The following COL5A1 variants were observed in gnomAD, a reference collection of about 807,000 sequenced individuals.
COL5A1 encodes collagen alpha-1(V) chain.
Under a neutral mutation model 263.7 loss-of-function variants are expected in COL5A1, and 16 were observed. The ratio of observed to expected loss-of-function variants is 0.06; its 90% CI spans 0.04 to 0.09. COL5A1 has a LOEUF of 0.09. Ranked by LOEUF, COL5A1 falls within the 10% of genes least tolerant of loss-of-function variation. COL5A1 has a pLI of 1.00. For missense variants in COL5A1, 2,036 were observed against 2,540.5 expected (o/e 0.80, Z 4.27); for synonymous variants, 1,012 against 1,004.5 (o/e 1.01, Z -0.14).
chr9:134,702,960 T>C (rs1476621753), intron 4 of COL5A1, among the ~76,000 whole-genome samples: 1 of 152,216 alleles, frequency 6.6e-6, no homozygotes, highest in African/African-American at 2.4e-5. Flanking sequence ...TAATGTCAAA[T>C]TCAGTTGTTC....
intron 10 of COL5A1, 84 bp from the exon 11 acceptor site, chr9:134,738,662 C>T: frequency 6.7e-7 from 1 of 1,484,480 alleles, no homozygotes; most frequent in South Asian, 1.1e-5. Flanking sequence ...CCACCCCCAC[C>T]TCTGCCTTGG....
rs781485753 is a variant in COL5A1, at chr9:134,750,554, C to T, written c.1507C>T (p.Arg503Cys). 254 of 1,613,524 alleles carry T rather than the reference C, an allele frequency of 1.6e-4. No homozygotes were observed. The highest frequency in any genetic ancestry group is 2.0e-4 in the Non-Finnish European group (239 of 1,180,004). ...GDPGERGPPG[R>C]PGLPGADGLP... ...CCCTTGTCTTCAGGGCCCCCCTGGACGCCCAGGCCTTCCTGGGGCCGATGG... is the reference window on the plus strand; with the variant it reads ...CCCTTGTCTTCAGGGCCCCCCTGGATGCCCAGGCCTTCCTGGGGCCGATGG... The change falls in exon 12 of 66, where the codon CGC becomes TGC. Residue 503 changes from arginine to cysteine, a missense_variant. Around this residue, in one of 3 missense-constraint regions of COL5A1, gnomAD observed 1,078 missense variants for 1,521.4 expected, o/e 0.71. Transcript: ENST00000371817.
Position 134,699,989 on chromosome 9 carries a change from T to C in COL5A1, c.358T>C (p.Tyr120His). 2 of 1,613,874 alleles carry C rather than the reference T, an allele frequency of 1.2e-6. No individual in the cohort carries two copies. The highest frequency in any genetic ancestry group is 1.7e-6 in the Non-Finnish European group (2 of 1,180,030). The change falls in exon 3 of 66, where the codon TAC (tyrosine) becomes CAC (histidine). Residue 120 changes from tyrosine (Y) to histidine (H), a missense_variant. Transcript: ENST00000371817. ...KGSQAFLVSI[Y>H]NEQGIQQIGL... ...CAGCCAGGCCTTCCTGGTCTCCATC[T>C]ACAACGAGCAGGGTATCCAGCAGAT...
intron 9 of COL5A1, among the ~76,000 whole-genome samples, chr9:134,733,207 A>G (rs3128608): frequency 0.45 from 67,741 of 152,082 alleles, 16,239 homozygotes; most frequent in South Asian, 0.62. Flanking sequence ...GTGCAGTCAC[A>G]GTGACCCGCC....
At chr9:134,701,495 T>G (rs947906883) in intron 4 of COL5A1, among the ~76,000 whole-genome samples, 162 bp downstream of exon 4, 1 of 152,280 alleles carries the variant, frequency 6.6e-6, no homozygotes, top group Non-Finnish European at 1.5e-5. Flanking sequence ...TCCTAAGAGA[T>G]GTTTGTGGCT....
At chr9:134,730,989 CCTCGCGGTT>C (rs1461650700) in intron 7 of COL5A1, among the ~76,000 whole-genome samples, 1 of 152,226 alleles carries the variant, frequency 6.6e-6, no homozygotes, top group Non-Finnish European at 1.5e-5. Context: ...CGTCTCTGGA[CCTCGCGGTT>C]CTCCTTTCCA....
intron 49 of COL5A1, among the ~76,000 whole-genome samples, chr9:134,814,254 T>C (rs1838653981): frequency 6.6e-6 from 1 of 152,180 alleles, no homozygotes; most frequent in South Asian, 2.1e-4. Flanking sequence ...CTGTGCCCAG[T>C]GGCCTGCAGT....
rs773080885 is a variant in COL5A1 at position 134,782,645 on chromosome 9, C to T, written c.2431-22C>T. ...GCGGGTCCTCTTGCCTAGACTAGGG[C>T]ACTCTCTTGTCCCATATTCAGGGTG... On this transcript the variant is annotated intron_variant, in intron 28 of 65. Coordinates refer to ENST00000371817, the MANE Select transcript of COL5A1 (RefSeq NM_000093.5). 5.0e-6 allele frequency: 8 copies of T among 1,613,002 alleles called. No individual in the cohort carries two copies. The South Asian group carries it at 5.5e-5, about 11-fold the overall frequency.
At position 134,803,010 on chromosome 9, in the gene COL5A1, C is replaced by A. The variant is rs779290396; in HGVS notation, c.3114+15C>A. 6.4e-7 allele frequency: 1 copy of A among 1,571,828 alleles called. No homozygotes were observed. Among genetic ancestry groups the A allele is most frequent in the Admixed American group, 1.8e-5 (1 of 54,422 alleles). On this transcript the variant is annotated intron_variant, in intron 39 of 65. Transcript: ENST00000371817. ...AAGGGACGAAGGTGAGTTTCTGGAG[C>A]CTTCTGTGTCAGCTCAGGCGTTTCC...
At position 134,786,038 on chromosome 9, in the gene COL5A1, A is replaced by G; in HGVS notation, c.2636A>G (p.Gln879Arg). 6.2e-7 allele frequency: 1 copy of G among 1,612,874 alleles called. No homozygotes were observed. The highest frequency in any genetic ancestry group is 8.5e-7 in the Non-Finnish European group (1 of 1,179,582). ...VPGLPGYPGRQGPKGSIGFPG... is the reference protein window; with the variant it reads ...VPGLPGYPGRRGPKGSIGFPG... ...GGGTTACCAGGGTATCCAGGAAGAC[A>G]AGGACCAAAGGTAACTTCTGGCCGT... Residue 879 changes from glutamine to arginine, a missense_variant, in exon 31 of 66, where the codon CAA becomes CGA. This residue lies in a region of COL5A1 where 1,078 missense variants were observed against 1,521.4 expected (regional missense o/e 0.71). Transcript: ENST00000371817.
In COL5A1 at chr9:134,731,681, C is replaced by T; in HGVS notation, c.1332+18C>T. The T allele has an allele frequency of 6.2e-7, 1 of 1,602,422 alleles. No homozygotes were observed. The highest frequency in any genetic ancestry group is 8.5e-7 in the Non-Finnish European group (1 of 1,173,310). ...ATGAAGGGGTGAGAGGGTGCAGGCC[C>T]CCGTTCCGGGTGGGGTTGGGGGGCT... is the stretch of plus-strand genomic sequence containing the variant. On this transcript the variant is annotated intron_variant, in intron 8 of 65. Coordinates refer to ENST00000371817, the MANE Select transcript of COL5A1 (RefSeq NM_000093.5).
In COL5A1 at chr9:134,828,436, C is replaced by CCA. The variant is rs59261059; in HGVS notation, c.5068-1522_5068-1521dup. Among the ~76,000 whole-genome samples, 757 of 150,860 alleles carry CCA rather than the reference C, an allele frequency of 5.0e-3. 8 individuals are homozygous for CCA. The highest frequency in any genetic ancestry group is 0.016 in the African/African-American group (666 of 41,076). ...CGTCTCAGTCCCCAGGAAGGTTCTACCACACACACACACACACACGCAGAT... is the reference window on the plus strand; with the variant it reads ...CGTCTCAGTCCCCAGGAAGGTTCTACCACACACACACACACACACACGCAGAT... On this transcript the variant is annotated intron_variant, in intron 63 of 65. Transcript: ENST00000371817.
chr9:134,823,506 G>C lies in COL5A1; in HGVS notation c.4698+37G>C, dbSNP rs113122539. ...TTGAAGCCCAGAAAGCGGGACGGGG[G>C]CTCTGGCTAGCTCCGAGGGAATTGA... On this transcript the variant is annotated intron_variant, in intron 61 of 65. Transcript: ENST00000371817. The C allele has an allele frequency of 2.5e-6, 4 of 1,601,822 alleles. No homozygotes were observed. In the South Asian group the frequency reaches 3.3e-5, roughly 13 times the overall value.
At chr9:134,685,194 G>GTCCA (rs1167642715) in intron 1 of COL5A1, among the ~76,000 whole-genome samples, 72 of 5,496 alleles carry the variant, frequency 0.013, no homozygotes, top group Admixed American at 0.024. Context: ...CCTTCCATCT[G>GTCCA]TCCATCCATC....
At position 134,755,315 on chromosome 9, in the gene COL5A1, G is replaced by A. The variant is rs140591606; in HGVS notation, c.1827+989G>A. On this transcript the variant is annotated intron_variant, in intron 16 of 65. Transcript: ENST00000371817. The surrounding 1 kb of genome is among the most constrained non-coding windows in gnomAD (Gnocchi z 4.1). ...TGTCTCCGTAAATCCTTCCCACCCA[G>A]TTTCACTAGAACTGGTTTCCTAGAG... Among the ~76,000 whole-genome samples the A allele has an allele frequency of 6.7e-4, 102 of 152,298 alleles. No individual in the cohort carries two copies. The highest frequency in any genetic ancestry group is 2.3e-3 in the African/African-American group (96 of 41,568).
intron 1 of COL5A1, among the ~76,000 whole-genome samples, chr9:134,676,882 C>G (rs1832700258): frequency 6.6e-6 from 1 of 152,192 alleles, no homozygotes; most frequent in Non-Finnish European, 1.5e-5. Flanking sequence ...TGGCTTCCTC[C>G]TTCTTCCTTC....
At chr9:134,676,188 A>G (rs1832679082) in intron 1 of COL5A1, among the ~76,000 whole-genome samples, 1 of 152,196 alleles carries the variant, frequency 6.6e-6, no homozygotes, top group Non-Finnish European at 1.5e-5. Context: ...CCTTTCCAGA[A>G]GTAACCCCTC....
intron 50 of COL5A1, 96 bp from the exon 51 acceptor site, chr9:134,815,480 G>A: frequency 3.3e-6 from 4 of 1,230,152 alleles, no homozygotes; most frequent in Non-Finnish European, 4.7e-6. Flanking sequence ...CTGGACGGTG[G>A]CAGGTGGCCA....
In COL5A1 at chr9:134,700,964, C is replaced by G. The variant is rs144947971; in HGVS notation, c.492-207C>G. ...CAGACAGCCATCCTTGTCTGAGGGA[C>G]GAGGGTTCTGGGGAATGAGTAGATC... On this transcript the variant is annotated intron_variant, in intron 3 of 65. Coordinates refer to ENST00000371817, the MANE Select transcript of COL5A1 (RefSeq NM_000093.5). This position sits in a 1 kb window ranked among gnomAD's most constrained non-coding sequence, Gnocchi z 4.0. 1.3e-5 allele frequency among the ~76,000 whole-genome samples: 2 copies of G among 152,100 alleles called. No homozygotes were observed. Among genetic ancestry groups the G allele is most frequent in the African/African-American group, 4.8e-5 (2 of 41,398 alleles).
Sources: gnomAD v4.1 joint callset for allele counts (sites outside exome capture counted in the v4.1 genomes callset) on GRCh38, gnomAD v4.1.1 for gene constraint, gnomAD v4.1.1 regional missense constraint, Gnocchi (gnomAD v3.1) non-coding constraint, MANE v1.5 for transcripts, NCBI Gene and HGNC (gene_info 2026-07-23, HGNC 2026-07-21) for gene names.